LARP1: variants seen among roughly 807,000 people sequenced by gnomAD.
The protein encoded by LARP1 is La ribonucleoprotein 1, translational regulator, also known as la-related protein 1.
A neutral mutation model predicts 122.7 loss-of-function variants in LARP1; 36 were observed. The observed-to-expected ratio is 0.29, with a 90% CI of 0.22 to 0.39. The LOEUF (loss-of-function observed/expected upper bound fraction) is 0.39, where lower values mean the gene tolerates loss of function less well. Ranked by LOEUF, LARP1 falls within the 10% of genes least tolerant of loss-of-function variation. LARP1 has a pLI of 1.00. For synonymous variants in LARP1, 539 were observed against 528.7 expected, an observed-to-expected ratio of 1.02 and a Z score of -0.27; for missense variants, 1,040 against 1,403.6, an observed-to-expected ratio of 0.74 and a Z score of 4.14.
In LARP1 at chr5:154,814,349, AAG is replaced by A; in HGVS notation, c.*254_*255del. On this transcript the variant is annotated 3_prime_UTR_variant, in exon 19 of 19. Coordinates refer to ENST00000518297, the MANE Select transcript of LARP1 (RefSeq NM_033551.3). ...CTAGCTTCTTCTAAGGGGGGAGGGAAAGGGGGGAGATTTTTATATATATATAC... is the reference window on the plus strand; with the variant it reads ...CTAGCTTCTTCTAAGGGGGGAGGGAAGGGGGAGATTTTTATATATATATAC... 1 of 321,634 alleles carries A rather than the reference AAG, an allele frequency of 3.1e-6. No individual in the cohort carries two copies. Among genetic ancestry groups the A allele is most frequent in the South Asian group, 7.0e-5 (1 of 14,336 alleles). The allele number at this position is 321,634 out of a possible 1,614,324, so 19.9% of individuals were successfully genotyped here.
intron 1 of LARP1, among the ~76,000 whole-genome samples, chr5:154,696,335 TGACA>T (rs1375532147): frequency 5.3e-5 from 8 of 151,608 alleles, no homozygotes; most frequent in African/African-American, 1.7e-4. Context: ...CTAGCCTCAG[TGACA>T]GACAGAGACC....
At chr5:154,717,204 T>C (rs1233260477) in intron 1 of LARP1, among the ~76,000 whole-genome samples, 1 of 152,112 alleles carries the variant, frequency 6.6e-6, no homozygotes, top group Non-Finnish European at 1.5e-5. Context: ...AACAACCAAC[T>C]TGAGCTGCTG....
intron 1 of LARP1, among the ~76,000 whole-genome samples, chr5:154,778,258 T>TAAA (rs577057003): frequency 2.5e-5 from 3 of 119,702 alleles, no homozygotes; most frequent in Non-Finnish European, 1.8e-5. Flanking sequence ...AGACTCCGTC[T>TAAA]AAAAAAAAAA....
At chr5:154,692,234 G>A (rs1754255215) in intron 1 of LARP1, among the ~76,000 whole-genome samples, 2 of 152,152 alleles carry the variant, frequency 1.3e-5, no homozygotes, top group South Asian at 4.1e-4. Flanking sequence ...TCACCTTAAG[G>A]AAGTGCTTAG....
chr5:154,797,564 C>T (rs190261522), intron 8 of LARP1, among the ~76,000 whole-genome samples: 7 of 151,978 alleles, frequency 4.6e-5, no homozygotes, highest in East Asian at 1.9e-4. Context: ...AGGGTCTTTA[C>T]GTAGACTTGT....
intron 1 of LARP1, among the ~76,000 whole-genome samples, chr5:154,776,250 C>A (rs541801688): frequency 5.9e-5 from 9 of 152,154 alleles, no homozygotes; most frequent in Non-Finnish European, 1.3e-4. Flanking sequence ...GTGGACAATT[C>A]CCTTCAGAAC....
At chr5:154,695,454 C>T (rs1256946228) in intron 1 of LARP1, among the ~76,000 whole-genome samples, 2 of 151,914 alleles carry the variant, frequency 1.3e-5, no homozygotes, top group Non-Finnish European at 1.5e-5. Context: ...GTCAGGAGCT[C>T]GAGACCAGCC....
intron 1 of LARP1, among the ~76,000 whole-genome samples, chr5:154,691,128 G>A (rs1754180196): frequency 1.3e-5 from 2 of 151,946 alleles, no homozygotes; most frequent in Non-Finnish European, 2.9e-5. Flanking sequence ...CGGGCGTGGT[G>A]GCGGGCGCCT....
intron 15 of LARP1, 115 bp from the exon 16 acceptor site, chr5:154,808,344 A>T: frequency 8.0e-7 from 1 of 1,252,236 alleles, no homozygotes; most frequent in Non-Finnish European, 1.1e-6. Context: ...ATGATGAGTG[A>T]GGGGATTTGG....
rs1278586485 is a variant in LARP1 at position 154,813,979 on chromosome 5, T to G, written c.3174T>G (p.Ser1058=). Reference sequence around the variant, plus strand: ...GCAGGAAGCGGTGCCCCTCCCAGTCTTCCAGCAGGCCTGCTGCCATGATCA... The same window carrying G: ...GCAGGAAGCGGTGCCCCTCCCAGTCGTCCAGCAGGCCTGCTGCCATGATCA... ...GEGRKRCPSQ[S]SSRPAAMISQ... Residue 1058 remains serine, a synonymous_variant, in exon 19 of 19, where the codon TCT becomes TCG. Coordinates refer to ENST00000518297, the MANE Select transcript of LARP1 (RefSeq NM_033551.3). 1.2e-6 allele frequency: 2 copies of G among 1,614,022 alleles called. No homozygotes were observed. The highest frequency in any genetic ancestry group is 1.7e-5 in the Admixed American group (1 of 60,008).
intron 1 of LARP1, among the ~76,000 whole-genome samples, chr5:154,780,572 C>CA (rs2113715988): frequency 6.6e-6 from 1 of 152,316 alleles, no homozygotes; most frequent in South Asian, 2.1e-4. Flanking sequence ...AGCTCTACAG[C>CA]AAATCACTGG....
chr5:154,796,081 ATT>A (rs1296048826), intron 8 of LARP1, among the ~76,000 whole-genome samples: 6 of 117,254 alleles, frequency 5.1e-5, no homozygotes, highest in East Asian at 2.1e-4. Flanking sequence ...TAGTATATAT[ATT>A]ATATATATAT....
At chr5:154,711,724 T>C (rs1440922435), upstream of LARP1, among the ~76,000 whole-genome samples, 1 of 152,204 alleles carries the variant, frequency 6.6e-6, no homozygotes, top group Admixed American at 6.5e-5. Flanking sequence ...AAATTCCTTA[T>C]CTATTAAGAG....
rs888808566 is a variant in LARP1, at chr5:154,793,731, C to T, written c.868+8C>T. On this transcript the variant is annotated splice_region_variant and intron_variant, in intron 5 of 18. Coordinates refer to ENST00000518297, the MANE Select transcript of LARP1 (RefSeq NM_033551.3). ...ATCGCGGAGAGATCAAAGGTATGCA[C>T]TACCCACTATGGAGGGCCTGGACTT... 4 of 1,614,192 alleles carry T rather than the reference C, an allele frequency of 2.5e-6. No individual in the cohort carries two copies. In the South Asian group the frequency reaches 3.3e-5, roughly 13 times the overall value.
chr5:154,771,836 G>A (rs1030030435), intron 1 of LARP1, among the ~76,000 whole-genome samples: 13 of 152,150 alleles, frequency 8.5e-5, no homozygotes, highest in African/African-American at 3.1e-4. Flanking sequence ...TTCACGAATG[G>A]CCTTAGGGTC....
At chr5:154,784,028 G>A (rs1363770928) in intron 1 of LARP1, among the ~76,000 whole-genome samples, 5 of 152,216 alleles carry the variant, frequency 3.3e-5, no homozygotes, top group African/African-American at 1.2e-4. Context: ...CTGGGCTAGG[G>A]CCTGCGTTCC....
Position 154,802,993 on chromosome 5 carries a change from C to T in LARP1, c.2110-297C>T, listed in dbSNP as rs909911620. The stretch of plus-strand genomic sequence containing the variant: ...TAGCAGAAAGAGAGATGGGGAAACA[C>T]TGGAGCTTTCAGGGGGGAGTGTGTA... On this transcript the variant is annotated intron_variant, in intron 11 of 18. Transcript: ENST00000518297. The surrounding 1 kb of genome is among the most constrained non-coding windows in gnomAD (Gnocchi z 5.1). 5.9e-5 allele frequency among the ~76,000 whole-genome samples: 9 copies of T among 152,130 alleles called. No homozygotes were observed. The highest frequency in any genetic ancestry group is 1.9e-4 in the African/African-American group (8 of 41,416).
rs868060019 is a variant in LARP1 at position 154,798,720 on chromosome 5, C to G, written c.1378-871C>G. 2.0e-5 allele frequency among the ~76,000 whole-genome samples: 3 copies of G among 152,186 alleles called. No individual in the cohort carries two copies. In the East Asian group the frequency reaches 5.8e-4, roughly 29 times the overall value. On this transcript the variant is annotated intron_variant, in intron 8 of 18. Coordinates refer to ENST00000518297, the MANE Select transcript of LARP1 (RefSeq NM_033551.3). ...TTTTGCTCAGGCTGGTCTTGAACTC[C>G]TTTGCTCAAGCGATCTACCCACCTT...
intron 2 of LARP1, 44 bp downstream of exon 2, chr5:154,790,430 G>T: frequency 2.5e-6 from 4 of 1,572,164 alleles, no homozygotes; most frequent in Non-Finnish European, 3.5e-6. Context: ...TTCTGGAGTT[G>T]GTGGCCTCTT....
Sources: gnomAD v4.1 joint callset for allele counts (sites outside exome capture counted in the v4.1 genomes callset) on GRCh38, gnomAD v4.1.1 for gene constraint, Gnocchi (gnomAD v3.1) non-coding constraint, MANE v1.5 for transcripts, NCBI Gene and HGNC (gene_info 2026-07-23, HGNC 2026-07-21) for gene names.